The following SFI1 variants were observed in gnomAD, a reference collection of about 807,000 sequenced individuals.
SFI1 encodes SFI1 centrin binding protein.
In SFI1, 195 loss-of-function variants were observed where a neutral mutation model predicts 207.5. That is an observed-to-expected ratio of 0.94 (90% confidence interval 0.84 to 1.06). SFI1 has a LOEUF of 1.06. SFI1 is among the 50% of genes least tolerant of loss of function. The pLI is 0.00. For synonymous variants in SFI1, 630 were observed against 598.9 expected (o/e 1.05, Z -0.76); for missense variants, 1,634 against 1,588.0 (o/e 1.03, Z -0.49).
At chr22:31,535,660 A>G (rs1358260275) in intron 4 of SFI1, among the ~76,000 whole-genome samples, 1 of 152,126 alleles carries the variant, frequency 6.6e-6, no homozygotes, top group Admixed American at 6.6e-5. Context: ...CTGGGATTAC[A>G]GACGTGCACC....
At chr22:31,565,834 TTCTTC>T (rs2062237927) in intron 8 of SFI1, among the ~76,000 whole-genome samples, 1 of 151,992 alleles carries the variant, frequency 6.6e-6, no homozygotes, top group African/African-American at 2.4e-5. Flanking sequence ...TGTGATTTCT[TTCTTC>T]CTTTTTTAAA....
At chr22:31,568,257 G>T (rs2062589978) in intron 8 of SFI1, among the ~76,000 whole-genome samples, 1 of 142,100 alleles carries the variant, frequency 7.0e-6, no homozygotes, top group Non-Finnish European at 1.5e-5. Flanking sequence ...ATGCATTTCT[G>T]GTCTGGCGCG....
chr22:31,613,091 C>T (rs757793509), intron 24 of SFI1, 51 bp from the exon 25 acceptor site: 65 of 1,587,212 alleles, frequency 4.1e-5, no homozygotes, highest in African/African-American at 1.3e-4. Flanking sequence ...GTGATCACCA[C>T]GGCCTCCTTG....
At chr22:31,587,841 A>G (rs977593655) in intron 14 of SFI1, 3 of 152,146 alleles carry the variant, frequency 2.0e-5, no homozygotes, top group African/African-American at 7.2e-5. Flanking sequence ...TGTAGATATT[A>G]TAGAAAATTT....
Position 31,540,715 on chromosome 22 carries a change from AG to A in SFI1, c.339-6145del, listed in dbSNP as rs147797652. On this transcript the variant is annotated intron_variant, in intron 4 of 32. Coordinates refer to ENST00000400288, the MANE Select transcript of SFI1 (RefSeq NM_001007467.3). ...CCTGCTTCAGCCTCCCAAGTAGCTG[AG>A]ACCATAGGCATGCGCCACCACGCCT... Among the ~76,000 whole-genome samples the A allele has an allele frequency of 1.5e-4, 23 of 151,814 alleles. No individual in the cohort carries two copies. In the East Asian group the frequency reaches 4.3e-3, roughly 28 times the overall value.
At chr22:31,557,088 A>C (rs200353338) in intron 7 of SFI1, 29 bp downstream of exon 7, 1 of 1,407,138 alleles carries the variant, frequency 7.1e-7, no homozygotes, top group Non-Finnish European at 9.9e-7. Flanking sequence ...CCTACAAAGT[A>C]CCAGCCATCA....
At chr22:31,561,244 GT>G in intron 7 of SFI1, 45 bp from the exon 8 acceptor site, 1 of 1,571,948 alleles carries the variant, frequency 6.4e-7, no homozygotes, top group Non-Finnish European at 8.7e-7. Context: ...TCTTTCCTGA[GT>G]GGCTTTTTAC....
intron 2 of SFI1, among the ~76,000 whole-genome samples, chr22:31,513,744 A>G (rs2056012439): frequency 6.6e-6 from 1 of 151,370 alleles, no homozygotes; most frequent in South Asian, 2.1e-4. Flanking sequence ...TGCCTGGCTA[A>G]TTTTTTTTGA....
chr22:31,612,381 A>T (rs1413898645), intron 24 of SFI1: 1 of 85,072 alleles, frequency 1.2e-5, no homozygotes, highest in African/African-American at 4.7e-5. Context: ...CTCTGTCTAA[A>T]AAAAAAAAAA....
At chr22:31,549,226 G>A (rs942241070) in intron 5 of SFI1, among the ~76,000 whole-genome samples, 1 of 138,740 alleles carries the variant, frequency 7.2e-6, no homozygotes, top group African/African-American at 2.7e-5. Context: ...AGGGCTCAAG[G>A]CTACAGTGAG....
chr22:31,569,260 T>C (rs955211036), intron 8 of SFI1, among the ~76,000 whole-genome samples: 1 of 152,160 alleles, frequency 6.6e-6, no homozygotes, highest in South Asian at 2.1e-4. Context: ...GAAATCTGGC[T>C]ACCTGCCATC....
At chr22:31,609,845 G>A (rs796376774) in intron 22 of SFI1, among the ~76,000 whole-genome samples, 11 of 152,370 alleles carry the variant, frequency 7.2e-5, no homozygotes, top group African/African-American at 2.2e-4. Context: ...GCACCTGACC[G>A]TGCAGCTTCA....
chr22:31,516,996 T>G (rs1358624210), intron 2 of SFI1, among the ~76,000 whole-genome samples: 1 of 151,606 alleles, frequency 6.6e-6, no homozygotes, highest in Non-Finnish European at 1.5e-5. Context: ...CAGCCAGATG[T>G]GGTGTCGCAT....
intron 1 of SFI1, among the ~76,000 whole-genome samples, chr22:31,504,845 CTCTTT>C (rs1351077383): frequency 6.6e-6 from 1 of 152,156 alleles, no homozygotes; most frequent in Admixed American, 6.6e-5. Context: ...TGTATCTCTT[CTCTTT>C]TAAGAAAGAC....
At chr22:31,589,857 A>C (rs968260748) in intron 15 of SFI1, among the ~76,000 whole-genome samples, 22 of 152,074 alleles carry the variant, frequency 1.4e-4, no homozygotes, top group Admixed American at 4.6e-4. Flanking sequence ...CTGAACAGCC[A>C]GTGGCTTAGT....
intron 2 of SFI1, among the ~76,000 whole-genome samples, chr22:31,508,748 C>T (rs560180444): frequency 6.6e-6 from 1 of 152,230 alleles, no homozygotes; most frequent in Non-Finnish European, 1.5e-5. Flanking sequence ...TCCAATGAAG[C>T]TCTCGGCACC....
intron 6 of SFI1, among the ~76,000 whole-genome samples, chr22:31,555,989 T>A (rs1362594032): frequency 6.6e-6 from 1 of 152,136 alleles, no homozygotes; most frequent in East Asian, 1.9e-4. Context: ...AGAAGAGAAA[T>A]TTGCTTATAA....
rs189783747 is a variant in SFI1, at chr22:31,514,865, G to A, written c.92+6489G>A. ...CAGCTCACTGCAACCTCTACCTCCC[G>A]GATTCAAGCGATTCTTCTGCCTCAG... On this transcript the variant is annotated intron_variant, in intron 2 of 32. Coordinates refer to ENST00000400288, the MANE Select transcript of SFI1 (RefSeq NM_001007467.3). 1.8e-3 allele frequency among the ~76,000 whole-genome samples: 279 copies of A among 151,152 alleles called. 2 individuals are homozygous for A. The highest frequency in any genetic ancestry group is 7.9e-3 in the South Asian group (38 of 4,794).
At chr22:31,580,537 C>A (rs374682337) in intron 12 of SFI1, among the ~76,000 whole-genome samples, 173 bp downstream of exon 12, 1 of 136,378 alleles carries the variant, frequency 7.3e-6, no homozygotes, top group Admixed American at 7.6e-5. Flanking sequence ...TCTTTCTTTT[C>A]TTTTCTTTTT....
Sources: gnomAD v4.1 joint callset for allele counts (sites outside exome capture counted in the v4.1 genomes callset) on GRCh38, gnomAD v4.1.1 for gene constraint, MANE v1.5 for transcripts, NCBI Gene and HGNC (gene_info 2026-07-23, HGNC 2026-07-21) for gene names.